The following NKAIN2 variants were observed in gnomAD, a reference collection of about 807,000 sequenced individuals.
NKAIN2 encodes the protein sodium/potassium transporting ATPase interacting 2, also known as sodium/potassium-transporting ATPase subunit beta-1-interacting protein 2.
A neutral mutation model predicts 32.6 loss-of-function variants in NKAIN2; 14 were observed. The ratio of observed to expected loss-of-function variants is 0.43; its 90% CI spans 0.28 to 0.67. The LOEUF is 0.67. Ranked by LOEUF, NKAIN2 falls within the 30% of genes least tolerant of loss-of-function variation. NKAIN2 has a pLI of 0.17. For missense variants in NKAIN2, 198 were observed against 258.3 expected (o/e 0.77, Z 1.60); for synonymous variants, 80 against 87.2 (o/e 0.92, Z 0.46).
At chr6:124,413,065 T>C (rs555236) in intron 3 of NKAIN2, among the ~76,000 whole-genome samples, 24,618 of 152,122 alleles carry the variant, frequency 0.16, 2,303 homozygotes, top group East Asian at 0.24. Flanking sequence ...TTCCAGGTGC[T>C]GTCTGTCACC....
intron 4 of NKAIN2, among the ~76,000 whole-genome samples, chr6:124,770,666 C>T (rs1162054222): frequency 6.6e-6 from 1 of 151,978 alleles, no homozygotes; most frequent in Non-Finnish European, 1.5e-5. Flanking sequence ...CTGAAATCTG[C>T]CTTCTCTTAT....
intron 1 of NKAIN2, among the ~76,000 whole-genome samples, chr6:123,914,648 A>G (rs1440037742): frequency 6.6e-6 from 1 of 152,110 alleles, no homozygotes; most frequent in Admixed American, 6.6e-5. Flanking sequence ...GATGTTACCC[A>G]CTAGCAAGCT....
At chr6:124,533,106 C>T (rs1020436858) in intron 3 of NKAIN2, among the ~76,000 whole-genome samples, 6 of 152,054 alleles carry the variant, frequency 3.9e-5, no homozygotes, top group Non-Finnish European at 7.4e-5. Context: ...TTCTAGCTTT[C>T]TCTTGGAGAA....
chr6:124,262,569 A>G (rs1794302539), intron 1 of NKAIN2, among the ~76,000 whole-genome samples: 1 of 152,204 alleles, frequency 6.6e-6, no homozygotes, highest in Non-Finnish European at 1.5e-5. Flanking sequence ...AATAGTTTAG[A>G]CCTTGTTTGT....
chr6:124,017,105 G>A (rs567619743), intron 1 of NKAIN2, among the ~76,000 whole-genome samples: 15 of 152,278 alleles, frequency 9.9e-5, no homozygotes, highest in African/African-American at 2.6e-4. Context: ...CAATCATGGC[G>A]GAAGACAAAG....
chr6:124,498,831 G>A (rs548684843), intron 3 of NKAIN2, among the ~76,000 whole-genome samples: 7 of 152,210 alleles, frequency 4.6e-5, no homozygotes, highest in African/African-American at 7.2e-5. Context: ...AAGTCATTTC[G>A]TTGTCCACTA....
intron 1 of NKAIN2, among the ~76,000 whole-genome samples, chr6:124,218,396 G>A (rs868744823): frequency 6.6e-6 from 1 of 152,038 alleles, no homozygotes; most frequent in South Asian, 2.1e-4. Context: ...AAACAAATGA[G>A]TTTCATCATG....
At chr6:124,497,740 C>A (rs1460610727) in intron 3 of NKAIN2, among the ~76,000 whole-genome samples, 4 of 142,522 alleles carry the variant, frequency 2.8e-5, no homozygotes, top group African/African-American at 1.0e-4. Context: ...TAAAAAAAAA[C>A]TAGGAGTTGT....
In NKAIN2 at chr6:124,128,927, G is replaced by A. The variant is rs191462794; in HGVS notation, c.55-154078G>A. Reference sequence around the variant, plus strand: ...CTAAACAAGTGCCAGTGAAACTTTGGTGTGCACAGAATCACATGGAATACA... The same window carrying A: ...CTAAACAAGTGCCAGTGAAACTTTGATGTGCACAGAATCACATGGAATACA... On this transcript the variant is annotated intron_variant, in intron 1 of 6. Transcript: ENST00000368417. Among the ~76,000 whole-genome samples, 26 of 152,186 alleles carry A rather than the reference G, an allele frequency of 1.7e-4. No individual in the cohort carries two copies. The East Asian group carries it at 4.6e-3, about 27-fold the overall frequency.
At chr6:124,459,782 G>A (rs902507391) in intron 3 of NKAIN2, among the ~76,000 whole-genome samples, 5 of 151,540 alleles carry the variant, frequency 3.3e-5, no homozygotes, top group African/African-American at 1.2e-4. Context: ...TCTTGCTAAG[G>A]TTTGTCTTCT....
intron 2 of NKAIN2, among the ~76,000 whole-genome samples, chr6:124,347,996 T>C (rs2115113798): frequency 6.6e-6 from 1 of 152,270 alleles, no homozygotes. Context: ...ATGATGGTGA[T>C]GTACAGATGG....
chr6:123,805,373 T>A (rs1368928244), intron 1 of NKAIN2, among the ~76,000 whole-genome samples: 2 of 152,222 alleles, frequency 1.3e-5, no homozygotes, highest in Non-Finnish European at 2.9e-5. Flanking sequence ...TTCTTGTTTA[T>A]CAGTTGTCGT....
intron 4 of NKAIN2, among the ~76,000 whole-genome samples, chr6:124,680,662 A>T (rs533188207): frequency 6.6e-6 from 1 of 152,098 alleles, no homozygotes; most frequent in African/African-American, 2.4e-5. Flanking sequence ...TAATGCAAAT[A>T]ATAAGGGAAT....
intron 1 of NKAIN2, among the ~76,000 whole-genome samples, chr6:123,903,683 A>T (rs566340669): frequency 6.6e-6 from 1 of 152,184 alleles, no homozygotes; most frequent in Admixed American, 6.5e-5. Context: ...TAAGTTTTCA[A>T]GATAGGATTT....
At chr6:124,690,100 CATTT>C (rs1774186900) in intron 4 of NKAIN2, among the ~76,000 whole-genome samples, 2 of 152,068 alleles carry the variant, frequency 1.3e-5, no homozygotes, top group Non-Finnish European at 2.9e-5. Context: ...CATATTTCTC[CATTT>C]ATTTACTTCT....
chr6:123,843,753 C>T (rs1268111063), intron 1 of NKAIN2, among the ~76,000 whole-genome samples: 14 of 151,976 alleles, frequency 9.2e-5, no homozygotes, highest in Non-Finnish European at 2.1e-4. Flanking sequence ...GGGTTTGGGG[C>T]TTCTGACGGG....
intron 1 of NKAIN2, among the ~76,000 whole-genome samples, chr6:124,043,605 T>C (rs1781976906): frequency 1.3e-5 from 2 of 152,064 alleles, no homozygotes. Flanking sequence ...AAATAATACT[T>C]CTTAAAACAG....
At chr6:124,047,090 C>T (rs920159583) in intron 1 of NKAIN2, among the ~76,000 whole-genome samples, 1 of 151,948 alleles carries the variant, frequency 6.6e-6, no homozygotes, top group Non-Finnish European at 1.5e-5. Context: ...TGTACTGCTT[C>T]CATTTCCTTA....
At chr6:124,729,220 C>T (rs1195971213) in intron 4 of NKAIN2, among the ~76,000 whole-genome samples, 2 of 150,988 alleles carry the variant, frequency 1.3e-5, no homozygotes, top group East Asian at 3.9e-4. Context: ...AGGCCAGCAT[C>T]ATTCTGATAC....
Sources: allele counts gnomAD v4.1 joint callset (sites outside exome capture counted in the v4.1 genomes callset), GRCh38; gene constraint gnomAD v4.1.1; transcripts MANE v1.5; gene names NCBI Gene and HGNC (gene_info 2026-07-23, HGNC 2026-07-21).